Variants in NRXN1 observed in about 807,000 individuals in gnomAD.
NRXN1 encodes the protein neurexin-1.
Under a neutral mutation model 150.9 loss-of-function variants are expected in NRXN1, and 39 were observed. That is an observed-to-expected ratio of 0.26 (90% CI 0.20 to 0.34). NRXN1 has a LOEUF of 0.34. Ranked by LOEUF, NRXN1 falls within the 10% of genes least tolerant of loss-of-function variation. The probability of loss-of-function intolerance (pLI) is 1.00; values close to 1 mark genes in which losing one functional copy is unlikely to be tolerated. For missense variants in NRXN1, 1,815 were observed against 1,949.9 expected, an observed-to-expected ratio of 0.93 and a Z score of 1.30; for synonymous variants, 924 against 757.0, an observed-to-expected ratio of 1.22 and a Z score of -3.62.
At chr2:50,926,087 A>G (rs561782973) in intron 2 of NRXN1, 132 bp from the exon 3 acceptor site, 2 of 723,534 alleles carry the variant, frequency 2.8e-6, no homozygotes, top group African/African-American at 1.8e-5. Flanking sequence ...CATCACTATC[A>G]TTCAAGGGGG....
intron 15 of NRXN1, among the ~76,000 whole-genome samples, chr2:50,488,413 A>C (rs1470320615): frequency 6.6e-6 from 1 of 152,204 alleles, no homozygotes; most frequent in East Asian, 1.9e-4. Context: ...GAGAAGGCCA[A>C]GTTTACCAAT....
chr2:50,734,233 C>T (rs2105223084), intron 5 of NRXN1, among the ~76,000 whole-genome samples: 1 of 152,248 alleles, frequency 6.6e-6, no homozygotes, highest in Admixed American at 6.5e-5. Context: ...CCCGTCCTAA[C>T]CTTTTAAATT....
At position 50,373,669 on chromosome 2, in the gene NRXN1, A is replaced by AGAAGGAAG. The variant is rs1558620254; in HGVS notation, c.3364+91772_3364+91773insCTTCCTTC. Among the ~76,000 whole-genome samples the AGAAGGAAG allele has an allele frequency of 1.8e-3, 210 of 114,594 alleles. 4 individuals are homozygous for AGAAGGAAG. Among genetic ancestry groups the AGAAGGAAG allele is most frequent in the African/African-American group, 7.2e-3 (184 of 25,532 alleles). The allele number at this position is 114,594 out of a possible 152,430, so 75.2% of individuals were successfully genotyped here. ...AAGAAAGAAAGAAAGAAAGAAAGAA[A>AGAAGGAAG]GAAAGAAAGAAAAGAAAGAAGGAAA... On this transcript the variant is annotated intron_variant, in intron 17 of 22. Coordinates refer to ENST00000401669, the MANE Select transcript of NRXN1 (RefSeq NM_001330078.2).
At chr2:50,600,636 T>G (rs1676111108) in intron 8 of NRXN1, among the ~76,000 whole-genome samples, 1 of 152,190 alleles carries the variant, frequency 6.6e-6, no homozygotes, top group Admixed American at 6.5e-5. Flanking sequence ...AGTCTTGCTT[T>G]TTGGGGGCAA....
In NRXN1 at chr2:50,642,639, G is replaced by C. The variant is rs146172314; in HGVS notation, c.833-19024C>G. Among the ~76,000 whole-genome samples, 306 of 152,096 alleles carry C rather than the reference G, an allele frequency of 2.0e-3. 7 individuals are homozygous for C. Among genetic ancestry groups the C allele is most frequent in the Non-Finnish European group, 6.9e-4 (47 of 67,952 alleles). On this transcript the variant is annotated intron_variant, in intron 5 of 22. Transcript: ENST00000401669. ...GAATGGTGAATTATTGATTGGCATG[G>C]ATTTAGGGACAATTGCATGTCATCT...
intron 17 of NRXN1, among the ~76,000 whole-genome samples, chr2:50,382,141 G>A (rs1044024371): frequency 5.3e-5 from 8 of 152,112 alleles, no homozygotes; most frequent in African/African-American, 1.9e-4. Context: ...ATTTATGAAT[G>A]AAGTAAAGGA....
At position 51,027,896 on chromosome 2, in the gene NRXN1, G is replaced by C. The variant is rs181121858; in HGVS notation, c.378C>G (p.Thr126=). The change falls in exon 2 of 23, where the codon ACC becomes ACG. Residue 126 remains threonine (T), a synonymous_variant. Coordinates refer to ENST00000401669, the MANE Select transcript of NRXN1 (RefSeq NM_001330078.2). ...SVRIRRQFRN[T]TLFIDQVEAK... is the part of the protein sequence containing the mutation. Reference sequence around the variant, plus strand: ...CCTCCACCTGGTCGATGAAGAGCGTGGTGTTGCGGAACTGGCGGCGGATGC... The same window carrying C: ...CCTCCACCTGGTCGATGAAGAGCGTCGTGTTGCGGAACTGGCGGCGGATGC... The C allele has an allele frequency of 2.6e-5, 42 of 1,611,110 alleles. No homozygotes were observed. Among genetic ancestry groups the C allele is most frequent in the Non-Finnish European group, 3.3e-5 (39 of 1,179,712 alleles).
chr2:50,717,732 G>A (rs565690543), intron 5 of NRXN1, among the ~76,000 whole-genome samples: 3 of 152,284 alleles, frequency 2.0e-5, no homozygotes, highest in Admixed American at 2.0e-4. Flanking sequence ...GGTGCCAGCA[G>A]ATTTCACATC....
At chr2:50,257,244 T>C (rs761269985) in intron 17 of NRXN1, among the ~76,000 whole-genome samples, 1 of 152,102 alleles carries the variant, frequency 6.6e-6, no homozygotes, top group Non-Finnish European at 1.5e-5. Flanking sequence ...ACCTTTTTAA[T>C]AGTAAACTGA....
intron 17 of NRXN1, among the ~76,000 whole-genome samples, chr2:50,312,249 T>G (rs1166235145): frequency 6.6e-6 from 1 of 152,116 alleles, no homozygotes; most frequent in Non-Finnish European, 1.5e-5. Context: ...ATGCATAGAT[T>G]CAGGATCTTA....
intron 5 of NRXN1, among the ~76,000 whole-genome samples, chr2:50,663,636 A>ACTT (rs1687617420): frequency 6.6e-6 from 1 of 152,042 alleles, no homozygotes; most frequent in Non-Finnish European, 1.5e-5. Context: ...GCATGCCTTT[A>ACTT]GGATACATGA....
chr2:50,516,488 C>T lies in NRXN1; in HGVS notation c.2375-9871G>A, dbSNP rs78795278. On this transcript the variant is annotated intron_variant, in intron 12 of 22. Coordinates refer to ENST00000401669, the MANE Select transcript of NRXN1 (RefSeq NM_001330078.2). ...TATGTGAGAAGCATAGTTGAGTCAC[C>T]TTCCCCAGAGTATCCACACTTAATG... Among the ~76,000 whole-genome samples, 114 of 152,266 alleles carry T rather than the reference C, an allele frequency of 7.5e-4. 2 individuals are homozygous for T. In the East Asian group the frequency reaches 0.016, roughly 21 times the overall value.
intron 18 of NRXN1, chr2:50,174,966 C>A (rs2060260992): frequency 6.6e-6 from 1 of 152,158 alleles, no homozygotes; most frequent in South Asian, 2.1e-4. Context: ...CTATATTACC[C>A]ACATGACCTC....
At chr2:50,784,478 C>A (rs1319923080) in intron 5 of NRXN1, among the ~76,000 whole-genome samples, 2 of 151,612 alleles carry the variant, frequency 1.3e-5, no homozygotes, top group Admixed American at 6.6e-5. Flanking sequence ...AAAAGAAAAG[C>A]ATGAAAAAAC....
intron 5 of NRXN1, among the ~76,000 whole-genome samples, chr2:50,889,681 A>G (rs1680772426): frequency 6.6e-6 from 1 of 151,714 alleles, no homozygotes; most frequent in African/African-American, 2.4e-5. Context: ...ATAGCTTTTC[A>G]TTTAAATATA....
intron 5 of NRXN1, among the ~76,000 whole-genome samples, chr2:50,673,296 A>G (rs1689109686): frequency 6.6e-6 from 1 of 152,134 alleles, no homozygotes; most frequent in African/African-American, 2.4e-5. Flanking sequence ...ACATGTTTAG[A>G]TCTAATTATT....
chr2:50,238,349 T>C (rs960112615), intron 17 of NRXN1, among the ~76,000 whole-genome samples: 2 of 152,064 alleles, frequency 1.3e-5, no homozygotes, highest in South Asian at 4.1e-4. Context: ...AAACCTGGAC[T>C]AAAATCTACA....
At chr2:50,707,874 CAG>C in intron 5 of NRXN1, among the ~76,000 whole-genome samples, 1 of 152,268 alleles carries the variant, frequency 6.6e-6, no homozygotes, top group South Asian at 2.1e-4. Context: ...AGTATATTAA[CAG>C]TGTTTACATT....
chr2:50,941,740 T>C (rs1295787503), intron 2 of NRXN1, among the ~76,000 whole-genome samples: 1 of 152,112 alleles, frequency 6.6e-6, no homozygotes, highest in Non-Finnish European at 1.5e-5. Context: ...TTACCTGATA[T>C]TGGAACTTAT....
Sources: gnomAD v4.1 joint callset for allele counts (sites outside exome capture counted in the v4.1 genomes callset) on GRCh38, gnomAD v4.1.1 for gene constraint, MANE v1.5 for transcripts, NCBI Gene and HGNC (gene_info 2026-07-23, HGNC 2026-07-21) for gene names.